Variants in FRAS1 observed in about 807,000 individuals in gnomAD.
FRAS1 encodes Fraser extracellular matrix complex subunit 1, also known as extracellular matrix organizing protein FRAS1.
In FRAS1, 290 loss-of-function variants were observed where a neutral mutation model predicts 435.2. The observed-to-expected ratio is 0.67, with a 90% confidence interval of 0.61 to 0.73. FRAS1 has a LOEUF of 0.73. Ranked by LOEUF, FRAS1 falls within the 30% of genes least tolerant of loss-of-function variation. The pLI, the probability that FRAS1 is intolerant of heterozygous loss-of-function variation, is 0.00. For synonymous variants in FRAS1, 1,800 were observed against 1,851.0 expected, an observed-to-expected ratio of 0.97 and a Z score of 0.71; for missense variants, 4,860 against 5,001.5, an observed-to-expected ratio of 0.97 and a Z score of 0.85.
intron 72 of FRAS1, among the ~76,000 whole-genome samples, chr4:78,538,639 A>G (rs1721956183): frequency 6.6e-6 from 1 of 152,188 alleles, no homozygotes; most frequent in Admixed American, 6.5e-5. Context: ...AGTGCCGAGC[A>G]GAGGGGAAAA....
intron 2 of FRAS1, among the ~76,000 whole-genome samples, chr4:78,130,084 A>G (rs1249798002): frequency 1.3e-5 from 2 of 152,130 alleles, no homozygotes; most frequent in Non-Finnish European, 2.9e-5. Context: ...TCCATGCAGT[A>G]CTTTTCCCCC....
chr4:78,502,931 T>C (rs1377122299), intron 61 of FRAS1, among the ~76,000 whole-genome samples: 2 of 152,196 alleles, frequency 1.3e-5, no homozygotes, highest in Non-Finnish European at 2.9e-5. Flanking sequence ...TGAAGAGCTG[T>C]TGAATTTTGT....
chr4:78,087,273 C>G (rs190872569), intron 2 of FRAS1, among the ~76,000 whole-genome samples: 1 of 151,720 alleles, frequency 6.6e-6, no homozygotes, highest in Non-Finnish European at 1.5e-5. Context: ...TGGAGCGTAT[C>G]TCAAAATAAT....
At chr4:78,443,877 C>T (rs1434340395) in intron 41 of FRAS1, among the ~76,000 whole-genome samples, 1 of 152,154 alleles carries the variant, frequency 6.6e-6, no homozygotes, top group Admixed American at 6.5e-5. Context: ...GAGACAGGGT[C>T]TCGCCTCATT....
chr4:78,261,101 C>G (rs541382643), intron 6 of FRAS1, among the ~76,000 whole-genome samples: 1 of 151,832 alleles, frequency 6.6e-6, no homozygotes, highest in Non-Finnish European at 1.5e-5. Context: ...TTCACTGTGC[C>G]TTTCCTCTGC....
At chr4:78,537,239 AC>A in intron 72 of FRAS1, 39 bp downstream of exon 72, 1 of 1,575,070 alleles carries the variant, frequency 6.3e-7, no homozygotes, top group South Asian at 1.2e-5. Context: ...AAGAGCAGAC[AC>A]TTGAGCAGAT....
chr4:78,327,685 T>A (rs1323521093), intron 18 of FRAS1, among the ~76,000 whole-genome samples: 1 of 152,172 alleles, frequency 6.6e-6, no homozygotes, highest in Non-Finnish European at 1.5e-5. Context: ...GAGGAATTAT[T>A]CATAGAACTT....
At chr4:78,082,894 C>T (rs1740959454) in intron 2 of FRAS1, among the ~76,000 whole-genome samples, 1 of 152,094 alleles carries the variant, frequency 6.6e-6, no homozygotes, top group African/African-American at 2.4e-5. Context: ...AATTTAGTTT[C>T]TCAACACCTA....
At chr4:78,227,686 A>C (rs1724333359) in intron 2 of FRAS1, among the ~76,000 whole-genome samples, 1 of 152,228 alleles carries the variant, frequency 6.6e-6, no homozygotes, top group African/African-American at 2.4e-5. Context: ...AGATCACAAT[A>C]GAATTGGCCT....
chr4:78,472,143 C>T, intron 51 of FRAS1, 37 bp from the exon 52 acceptor site: 1 of 1,604,330 alleles, frequency 6.2e-7, no homozygotes, highest in Non-Finnish European at 8.5e-7. Flanking sequence ...GCTTTATTCC[C>T]ACCTCAGGAA....
intron 32 of FRAS1, among the ~76,000 whole-genome samples, chr4:78,414,336 G>A (rs985154554): frequency 6.6e-6 from 1 of 152,214 alleles, no homozygotes; most frequent in Non-Finnish European, 1.5e-5. Flanking sequence ...GAGCCAGGAA[G>A]ACAGTGCTGT....
intron 61 of FRAS1, among the ~76,000 whole-genome samples, chr4:78,500,898 A>G (rs1226445821): frequency 6.6e-6 from 1 of 152,154 alleles, no homozygotes; most frequent in African/African-American, 2.4e-5. Flanking sequence ...TCTGTAGACT[A>G]AGAAAGGGGC....
intron 29 of FRAS1, among the ~76,000 whole-genome samples, chr4:78,399,186 C>G (rs1010219892): frequency 6.6e-6 from 1 of 152,110 alleles, no homozygotes; most frequent in Admixed American, 6.6e-5. Context: ...TAGAAAGTGC[C>G]GTTGCTGCTG....
chr4:78,499,415 T>C (rs1720609566), intron 60 of FRAS1, among the ~76,000 whole-genome samples: 1 of 152,182 alleles, frequency 6.6e-6, no homozygotes. Context: ...CTGTGAACTG[T>C]AGTGCCGAGT....
intron 2 of FRAS1, among the ~76,000 whole-genome samples, chr4:78,184,541 A>G (rs1722190485): frequency 6.6e-6 from 1 of 152,192 alleles, no homozygotes; most frequent in South Asian, 2.1e-4. Context: ...TATAATATGT[A>G]CTTGGGTACT....
At chr4:78,395,760 G>T (rs992797164) in intron 29 of FRAS1, among the ~76,000 whole-genome samples, 2 of 152,062 alleles carry the variant, frequency 1.3e-5, no homozygotes. Flanking sequence ...AAGCTAAAGT[G>T]AATCTCTTTA....
At chr4:78,058,248 T>G (rs1739572143) in intron 1 of FRAS1, among the ~76,000 whole-genome samples, 163 bp downstream of exon 1, 1 of 152,028 alleles carries the variant, frequency 6.6e-6, no homozygotes, top group Non-Finnish European at 1.5e-5. Context: ...GGAATAGGCT[T>G]TTTCTGATAA....
At chr4:78,412,162 G>C (rs960389458) in intron 31 of FRAS1, among the ~76,000 whole-genome samples, 5 of 146,532 alleles carry the variant, frequency 3.4e-5, no homozygotes, top group Non-Finnish European at 7.4e-5. Flanking sequence ...GAGAAGACAG[G>C]CTTTCTGTTG....
chr4:78,389,331 C>T (rs538724368), intron 29 of FRAS1, among the ~76,000 whole-genome samples: 8 of 152,312 alleles, frequency 5.3e-5, no homozygotes, highest in African/African-American at 1.4e-4. Flanking sequence ...TTGTTGAGGA[C>T]AGTTTAAAAC....
Sources: gnomAD v4.1 joint callset for allele counts (sites outside exome capture counted in the v4.1 genomes callset) on GRCh38, gnomAD v4.1.1 for gene constraint, MANE v1.5 for transcripts, NCBI Gene and HGNC (gene_info 2026-07-23, HGNC 2026-07-21) for gene names.